METAP1: variants seen among roughly 807,000 people sequenced by gnomAD.
The protein encoded by METAP1 is methionine aminopeptidase 1.
Under a neutral mutation model 53.8 loss-of-function variants are expected in METAP1, and 28 were observed. That is an observed-to-expected ratio of 0.52 (90% confidence interval 0.39 to 0.71). The LOEUF (loss-of-function observed/expected upper bound fraction) is 0.71. Ranked by LOEUF, METAP1 falls within the 30% of genes least tolerant of loss-of-function variation. The pLI is 0.00. For synonymous variants in METAP1, 181 were observed against 165.7 expected (o/e 1.09, Z -0.71); for missense variants, 389 against 479.8 (o/e 0.81, Z 1.77).
intron 1 of METAP1, among the ~76,000 whole-genome samples, chr4:99,016,800 T>G (rs1447837797): frequency 6.6e-6 from 1 of 152,152 alleles, no homozygotes; most frequent in Non-Finnish European, 1.5e-5. Flanking sequence ...GGCCAGGGTG[T>G]AGATCCCAGT....
At chr4:98,999,150 T>A (rs939076926) in intron 1 of METAP1, among the ~76,000 whole-genome samples, 1 of 152,106 alleles carries the variant, frequency 6.6e-6, no homozygotes, top group African/African-American at 2.4e-5. Context: ...TCATGAATGA[T>A]CCTATCTTGT....
chr4:98,999,029 A>G (rs556642652), intron 1 of METAP1, among the ~76,000 whole-genome samples: 2 of 152,168 alleles, frequency 1.3e-5, no homozygotes, highest in South Asian at 4.2e-4. Context: ...CTGGTCTCGA[A>G]CTGCTGACCT....
chr4:99,057,024 C>G (rs1727190894), intron 9 of METAP1, among the ~76,000 whole-genome samples: 1 of 152,054 alleles, frequency 6.6e-6, no homozygotes, highest in African/African-American at 2.4e-5. Context: ...CGCCACCACA[C>G]CTGGCTAATT....
At chr4:99,050,352 A>C (rs1272859928) in intron 9 of METAP1, among the ~76,000 whole-genome samples, 2 of 152,230 alleles carry the variant, frequency 1.3e-5, no homozygotes, top group African/African-American at 2.4e-5. Flanking sequence ...TGATATTTTG[A>C]GAAGGCTAAT....
chr4:99,058,061 C>T (rs1027762128), intron 10 of METAP1, among the ~76,000 whole-genome samples: 1 of 152,066 alleles, frequency 6.6e-6, no homozygotes, highest in Non-Finnish European at 1.5e-5. Flanking sequence ...GGTCCCTTTT[C>T]ATAAAGATCA....
rs561476975 is a variant in METAP1 at position 99,049,394 on chromosome 4, A to T, written c.931+518A>T. On this transcript the variant is annotated intron_variant, in intron 9 of 10. Transcript: ENST00000296411. The stretch of plus-strand genomic sequence containing the variant: ...ACAGTCAACAGTTTGCCACAGGCCT[A>T]GCCATTACTCTTCTGATTCCTTAGG... Among the ~76,000 whole-genome samples the T allele has an allele frequency of 1.5e-4, 23 of 152,276 alleles. 1 individual carries two copies. The highest frequency in any genetic ancestry group is 5.5e-4 in the African/African-American group (23 of 41,550).
chr4:99,006,664 C>A (rs1000339080), intron 1 of METAP1, among the ~76,000 whole-genome samples: 1 of 152,156 alleles, frequency 6.6e-6, no homozygotes, highest in African/African-American at 2.4e-5. Context: ...TTAAATTTCT[C>A]AATTATCTCC....
chr4:99,013,540 C>T (rs560990631), intron 1 of METAP1, among the ~76,000 whole-genome samples: 48 of 152,308 alleles, frequency 3.2e-4, no homozygotes, highest in Admixed American at 1.6e-3. Flanking sequence ...AGTCCAGCCA[C>T]GAGAGCACAC....
chr4:99,060,714 A>G (rs1727486931), intron 10 of METAP1, among the ~76,000 whole-genome samples: 1 of 152,144 alleles, frequency 6.6e-6, no homozygotes, highest in Admixed American at 6.5e-5. Flanking sequence ...TATGTTCTCA[A>G]GGTTCATCTG....
intron 6 of METAP1, among the ~76,000 whole-genome samples, chr4:99,042,045 T>A (rs910545687): frequency 1.3e-5 from 2 of 151,844 alleles, no homozygotes; most frequent in African/African-American, 4.8e-5. Flanking sequence ...CTCTTGAGGG[T>A]AGGTACTATT....
intron 1 of METAP1, among the ~76,000 whole-genome samples, chr4:99,013,187 C>T (rs370742150): frequency 1.3e-5 from 2 of 151,786 alleles, no homozygotes; most frequent in Admixed American, 6.6e-5. Context: ...TTTTTAAAAC[C>T]TAAGACATTG....
intron 1 of METAP1, among the ~76,000 whole-genome samples, chr4:99,002,184 A>G (rs1722953537): frequency 6.6e-6 from 1 of 152,224 alleles, no homozygotes; most frequent in Admixed American, 6.5e-5. Flanking sequence ...ATAAGTGCAT[A>G]GCTAAGCTCA....
chr4:99,035,718 A>G (rs1030402733), intron 4 of METAP1, among the ~76,000 whole-genome samples: 1 of 152,124 alleles, frequency 6.6e-6, no homozygotes, highest in African/African-American at 2.4e-5. Flanking sequence ...AACAACTTCT[A>G]GACTTACTAA....
At chr4:99,051,982 T>C (rs1440563449) in intron 9 of METAP1, among the ~76,000 whole-genome samples, 1 of 152,208 alleles carries the variant, frequency 6.6e-6, no homozygotes, top group East Asian at 1.9e-4. Context: ...ATGATGATAA[T>C]ACTCTGCATT....
At chr4:99,024,497 TAG>T (rs1234199730) in intron 1 of METAP1, among the ~76,000 whole-genome samples, 5 of 152,116 alleles carry the variant, frequency 3.3e-5, no homozygotes, top group African/African-American at 9.7e-5. Flanking sequence ...GATGAAATCA[TAG>T]AGAGTCAAAG....
chr4:99,030,386 A>G (rs1267677463), intron 2 of METAP1, among the ~76,000 whole-genome samples: 2 of 152,152 alleles, frequency 1.3e-5, no homozygotes, highest in African/African-American at 2.4e-5. Flanking sequence ...GGCTATTTGC[A>G]TTTTTACTTA....
At chr4:98,998,793 C>T (rs6846251) in intron 1 of METAP1, among the ~76,000 whole-genome samples, 2,056 of 152,114 alleles carry the variant, frequency 0.014, 39 homozygotes, top group African/African-American at 0.047. Flanking sequence ...ATGATTACCT[C>T]ACCTGTTAGA....
At chr4:99,017,792 A>G (rs1296407767) in intron 1 of METAP1, among the ~76,000 whole-genome samples, 1 of 152,206 alleles carries the variant, frequency 6.6e-6, no homozygotes, top group Non-Finnish European at 1.5e-5. Context: ...TTCCACTAAT[A>G]TGGCATTGGC....
At chr4:99,005,753 A>G (rs1382914280) in intron 1 of METAP1, 2 of 431,158 alleles carry the variant, frequency 4.6e-6, no homozygotes, top group African/African-American at 2.1e-5. Flanking sequence ...AAAGAATGAA[A>G]TAATATCTTT....
Sources: allele counts gnomAD v4.1 joint callset (sites outside exome capture counted in the v4.1 genomes callset), GRCh38; gene constraint gnomAD v4.1.1; transcripts MANE v1.5; gene names NCBI Gene and HGNC (gene_info 2026-07-23, HGNC 2026-07-21).